Variants in ARHGEF26 observed in about 807,000 individuals in gnomAD.
ARHGEF26 encodes the protein Rho guanine nucleotide exchange factor (GEF) 26.
A neutral mutation model predicts 89.4 loss-of-function variants in ARHGEF26; 59 were observed. The ratio of observed to expected loss-of-function variants is 0.66; its 90% CI spans 0.54 to 0.82. The LOEUF (loss-of-function observed/expected upper bound fraction) is 0.82. Ranked by LOEUF, ARHGEF26 falls within the 40% of genes least tolerant of loss-of-function variation. The pLI is 0.00. For missense variants in ARHGEF26, 1,234 were observed against 1,085.6 expected (o/e 1.14, Z -1.92); for synonymous variants, 500 against 428.4 (o/e 1.17, Z -2.06).
At chr3:154,187,488 G>A (rs996787161) in intron 6 of ARHGEF26, among the ~76,000 whole-genome samples, 197 bp from the exon 7 acceptor site, 1 of 149,794 alleles carries the variant, frequency 6.7e-6, no homozygotes, top group African/African-American at 2.5e-5. Flanking sequence ...GAGCCACAAT[G>A]CTCATCCTCA....
intron 13 of ARHGEF26, 79 bp downstream of exon 13, chr3:154,253,262 T>TTA (rs1202264805): frequency 2.8e-5 from 42 of 1,523,620 alleles, no homozygotes; most frequent in Non-Finnish European, 3.6e-5. Flanking sequence ...TACTAACGAG[T>TTA]TATATTGCCA....
intron 11 of ARHGEF26, among the ~76,000 whole-genome samples, chr3:154,229,965 T>C (rs998398756): frequency 6.6e-6 from 1 of 152,250 alleles, no homozygotes. Flanking sequence ...ATAATAAAGA[T>C]GAATTACAGA....
At position 154,216,504 on chromosome 3, in the gene ARHGEF26, TTTTTA is replaced by T. The variant is rs1354198016; in HGVS notation, c.1846-1360_1846-1356del. 4.4e-4 allele frequency among the ~76,000 whole-genome samples: 13 copies of T among 29,750 alleles called. No individual in the cohort carries two copies. In the East Asian group the frequency reaches 0.011, roughly 26 times the overall value. The allele number at this position is 29,750 out of a possible 152,430, so 19.5% of individuals were successfully genotyped here. A position where few individuals can be genotyped will look rare whatever the true frequency, so the allele number is the denominator to read the frequency against. ...TTTTTTTTTTTTTATTTTTTTTTATTTTTTATTTTTTTTTTATGTCTATACAAAAT... is the reference window on the plus strand; with the variant it reads ...TTTTTTTTTTTTTATTTTTTTTTATTTTTTTTTTTTATGTCTATACAAAAT... On this transcript the variant is annotated intron_variant, in intron 9 of 14. Coordinates refer to ENST00000465093, the MANE Select transcript of ARHGEF26 (RefSeq NM_015595.4).
chr3:154,234,857 T>C (rs888814128), intron 11 of ARHGEF26, among the ~76,000 whole-genome samples: 27 of 152,226 alleles, frequency 1.8e-4, no homozygotes, highest in African/African-American at 6.0e-4. Flanking sequence ...GGTCCGCCTC[T>C]CAGGTTCACG....
Position 154,254,776 on chromosome 3 carries a change from T to A in ARHGEF26, c.2425T>A (p.Ser809Thr), listed in dbSNP as rs1215796870. 6.2e-7 allele frequency: 1 copy of A among 1,613,884 alleles called. No individual in the cohort carries two copies. The highest frequency in any genetic ancestry group is 1.7e-5 in the Admixed American group (1 of 60,014). ...SFTAKQPDELSLQVADVVLIY... is the reference protein window; with the variant it reads ...SFTAKQPDELTLQVADVVLIY... ...TACTGCTAAGCAGCCAGATGAACTC[T>A]CCCTGCAGGTGGCTGACGTCGTCCT... Residue 809 changes from serine (S) to threonine (T), a missense_variant, in exon 14 of 15, where the codon TCC becomes ACC. Coordinates refer to ENST00000465093, the MANE Select transcript of ARHGEF26 (RefSeq NM_015595.4).
chr3:154,203,519 T>C (rs1001366933), intron 9 of ARHGEF26, among the ~76,000 whole-genome samples: 2 of 152,176 alleles, frequency 1.3e-5, no homozygotes, highest in Non-Finnish European at 2.9e-5. Flanking sequence ...TCCAGTACTA[T>C]GTCAAATAAT....
In ARHGEF26 at chr3:154,233,179, C is replaced by A. The variant is rs145096982; in HGVS notation, c.2090+7169C>A. Among the ~76,000 whole-genome samples the A allele has an allele frequency of 8.7e-4, 133 of 152,198 alleles. No homozygotes were observed. In the East Asian group the frequency reaches 0.016, roughly 18 times the overall value. Reference sequence around the variant, plus strand: ...ATTCCAAATCATGGCTCTACTCTTACCTGCTGTGCCATATTTCATTCCTTT... The same window carrying A: ...ATTCCAAATCATGGCTCTACTCTTAACTGCTGTGCCATATTTCATTCCTTT... On this transcript the variant is annotated intron_variant, in intron 11 of 14. Coordinates refer to ENST00000465093, the MANE Select transcript of ARHGEF26 (RefSeq NM_015595.4).
chr3:154,214,690 G>T (rs1195563951), intron 9 of ARHGEF26, among the ~76,000 whole-genome samples: 1 of 152,136 alleles, frequency 6.6e-6, no homozygotes, highest in Non-Finnish European at 1.5e-5. Context: ...ATAGATTTGG[G>T]AGCTATGAAC....
chr3:154,223,747 A>G (rs943340946), intron 10 of ARHGEF26, among the ~76,000 whole-genome samples: 2 of 152,190 alleles, frequency 1.3e-5, no homozygotes, highest in African/African-American at 4.8e-5. Flanking sequence ...GGTAATGAAA[A>G]TGCTCTGGAA....
At position 154,149,040 on chromosome 3, in the gene ARHGEF26, C is replaced by T. The variant is rs577096114; in HGVS notation, c.1270-349C>T. Among the ~76,000 whole-genome samples, 8 of 152,154 alleles carry T rather than the reference C, an allele frequency of 5.3e-5. No individual in the cohort carries two copies. In the East Asian group the frequency reaches 1.4e-3, roughly 26 times the overall value. ...ATGAGCCCTGGAGTTGGACTGGCGT[C>T]GATGCAGATCCTGGCCTTGTTACCT... On this transcript the variant is annotated intron_variant, in intron 4 of 14. Coordinates refer to ENST00000465093, the MANE Select transcript of ARHGEF26 (RefSeq NM_015595.4).
At chr3:154,167,805 T>C in intron 6 of ARHGEF26, among the ~76,000 whole-genome samples, 1 of 152,214 alleles carries the variant, frequency 6.6e-6, no homozygotes, top group East Asian at 1.9e-4. Context: ...TTTATTTAGC[T>C]TACGGAAAAG....
intron 11 of ARHGEF26, among the ~76,000 whole-genome samples, chr3:154,239,299 A>AGAGAGAGAGTGTGTGT (rs1182446964): frequency 1.6e-5 from 1 of 64,256 alleles, no homozygotes; most frequent in African/African-American, 6.1e-5. Flanking sequence ...AGAGAGAGAG[A>AGAGAGAGAGTGTGTGT]GTGTGTGTGT....
chr3:154,151,134 C>T (rs751209771), intron 5 of ARHGEF26, among the ~76,000 whole-genome samples: 3 of 152,160 alleles, frequency 2.0e-5, no homozygotes, highest in South Asian at 2.1e-4. Context: ...TGTGACAATT[C>T]ATTACACACT....
At position 154,256,008 on chromosome 3, in the gene ARHGEF26, T is replaced by A. The variant is rs1204194758; in HGVS notation, c.*535T>A. ...GTAGAGTTCAGAAGGTGAGCTGTTGTTTTTCTAAACCTCTTCCCAGGAAGG... is the reference window on the plus strand; with the variant it reads ...GTAGAGTTCAGAAGGTGAGCTGTTGATTTTCTAAACCTCTTCCCAGGAAGG... On this transcript the variant is annotated 3_prime_UTR_variant, in exon 15 of 15. Coordinates refer to ENST00000465093, the MANE Select transcript of ARHGEF26 (RefSeq NM_015595.4). The A allele has an allele frequency of 4.1e-6, 4 of 985,766 alleles. No individual in the cohort carries two copies. Among genetic ancestry groups the A allele is most frequent in the Non-Finnish European group, 4.8e-6 (4 of 829,984 alleles). The allele number at this position is 985,766 out of a possible 1,614,324, so 61.1% of individuals were successfully genotyped here. A position where few individuals can be genotyped will look rare whatever the true frequency, so the allele number is the denominator to read the frequency against.
In ARHGEF26 at chr3:154,132,314, A is replaced by AT. The variant is rs577349931; in HGVS notation, c.1269+2602dup. On this transcript the variant is annotated intron_variant, in intron 4 of 14. Coordinates refer to ENST00000465093, the MANE Select transcript of ARHGEF26 (RefSeq NM_015595.4). ...TTTTAACATATTTGCTTCATTTTCT[A>AT]TTTTTTTAGACTATTACAGCGAACC... Among the ~76,000 whole-genome samples, 84 of 152,206 alleles carry AT rather than the reference A, an allele frequency of 5.5e-4. No individual in the cohort carries two copies. In the East Asian group the frequency reaches 0.013, roughly 23 times the overall value.
chr3:154,225,924 C>T lies in ARHGEF26; in HGVS notation c.2004C>T (p.Asp668=), dbSNP rs778593973. The T allele has an allele frequency of 1.9e-6, 3 of 1,612,794 alleles. No homozygotes were observed. The highest frequency in any genetic ancestry group is 1.7e-6 in the Non-Finnish European group (2 of 1,179,296). Reference sequence around the variant, plus strand: ...GTGAATTGACAGCCTATGTTGAAGACACTGTGCTTTTCTCAAGAAGGACAT... The same window carrying T: ...GTGAATTGACAGCCTATGTTGAAGATACTGTGCTTTTCTCAAGAAGGACAT... ...KRGELTAYVE[D]TVLFSRRTSK... The change falls in exon 11 of 15, where the codon GAC becomes GAT. Residue 668 remains aspartate, a synonymous_variant. Transcript: ENST00000465093.
intron 7 of ARHGEF26, among the ~76,000 whole-genome samples, chr3:154,190,277 C>G (rs1391344287): frequency 6.6e-6 from 1 of 152,040 alleles, no homozygotes; most frequent in African/African-American, 2.4e-5. Flanking sequence ...TTTGGGAGGC[C>G]GAGGCAGGTG....
chr3:154,211,754 A>AT (rs1457335715), intron 9 of ARHGEF26, among the ~76,000 whole-genome samples: 1 of 152,318 alleles, frequency 6.6e-6, no homozygotes, highest in African/African-American at 2.4e-5. Context: ...CAATATATAT[A>AT]TTTTAACATG....
At chr3:154,223,932 T>TA (rs1376330980) in intron 10 of ARHGEF26, among the ~76,000 whole-genome samples, 1 of 151,626 alleles carries the variant, frequency 6.6e-6, no homozygotes. Flanking sequence ...TAAAATTAGT[T>TA]ACATTTTATG....
Sources: gnomAD v4.1 joint callset for allele counts (sites outside exome capture counted in the v4.1 genomes callset) on GRCh38, gnomAD v4.1.1 for gene constraint, MANE v1.5 for transcripts, NCBI Gene and HGNC (gene_info 2026-07-23, HGNC 2026-07-21) for gene names.